The following FRZB variants were observed in gnomAD, a reference collection of about 807,000 sequenced individuals.
The protein encoded by FRZB is frizzled related protein, also known as secreted frizzled-related protein 3.
In FRZB, 34 loss-of-function variants were observed where a neutral mutation model predicts 32.5. The ratio of observed to expected loss-of-function variants is 1.05; its 90% CI spans 0.80 to 1.39. The LOEUF is 1.39. FRZB is among the 40% of genes most tolerant of loss of function. The pLI is 0.00. For synonymous variants in FRZB, 170 were observed against 159.2 expected (o/e 1.07, Z -0.51); for missense variants, 423 against 424.8 (o/e 1.00, Z 0.04).
intron 1 of FRZB, among the ~76,000 whole-genome samples, chr2:182,863,025 C>T (rs888395490): frequency 2.0e-5 from 3 of 152,204 alleles, no homozygotes; most frequent in Non-Finnish European, 4.4e-5. Context: ...CCGCCTCGGC[C>T]TTCCAAAGTG....
intron 2 of FRZB, among the ~76,000 whole-genome samples, chr2:182,847,572 A>T (rs1197692269): frequency 1.3e-5 from 2 of 152,226 alleles, no homozygotes; most frequent in African/African-American, 2.4e-5. Context: ...GACTTTATCC[A>T]CTACACAAGA....
intron 2 of FRZB, among the ~76,000 whole-genome samples, chr2:182,844,911 A>G (rs543515299): frequency 1.1e-4 from 17 of 152,334 alleles, no homozygotes; most frequent in Non-Finnish European, 2.4e-4. Flanking sequence ...TGACAATGCC[A>G]TACTAAATAT....
chr2:182,841,759 G>A (rs190618760), intron 3 of FRZB, among the ~76,000 whole-genome samples: 155 of 152,156 alleles, frequency 1.0e-3, no homozygotes, highest in Non-Finnish European at 1.8e-3. Flanking sequence ...ACTTAGGTTC[G>A]ATAATCATTG....
intron 2 of FRZB, among the ~76,000 whole-genome samples, chr2:182,852,774 A>T (rs1209499526): frequency 2.0e-5 from 3 of 152,222 alleles, no homozygotes; most frequent in Admixed American, 6.5e-5. Context: ...CACGCTATGG[A>T]AATAAAGAGC....
chr2:182,862,603 C>G (rs1373948526), intron 1 of FRZB, among the ~76,000 whole-genome samples: 1 of 152,086 alleles, frequency 6.6e-6, no homozygotes, highest in African/African-American at 2.4e-5. Flanking sequence ...AATAAAAGTT[C>G]TAGGCTGCAT....
rs550354586 is a variant in FRZB at position 182,852,417 on chromosome 2, G to A, written c.526+6369C>T. Among the ~76,000 whole-genome samples the A allele has an allele frequency of 4.4e-4, 67 of 152,210 alleles. 1 individual carries two copies. Among genetic ancestry groups the A allele is most frequent in the African/African-American group, 1.5e-3 (64 of 41,498 alleles). On this transcript the variant is annotated intron_variant, in intron 2 of 5. Transcript: ENST00000295113. ...GGGAGAGCATCTGACTTACACTAAT[G>A]TTCCCTAATTTAAGATAAATCAGAA...
In FRZB at chr2:182,866,437, C is replaced by A. The variant is rs1412842851; in HGVS notation, c.116G>T (p.Arg39Leu). The A allele has an allele frequency of 6.3e-6, 10 of 1,591,078 alleles. No individual in the cohort carries two copies. The Middle Eastern group carries it at 8.5e-4, about 135-fold the overall frequency. Residue 39 changes from arginine to leucine, a missense_variant, in exon 1 of 6, where the codon CGC becomes CTC. Transcript: ENST00000295113. This position sits in a 1 kb window ranked among gnomAD's most constrained non-coding sequence, Gnocchi z 4.5. Reference sequence around the variant, plus strand: ...GGGCAGGGACTTGCACAGGGGGATGCGGACGGGCTCACAGGCTGCAGCCCG... The same window carrying A: ...GGGCAGGGACTTGCACAGGGGGATGAGGACGGGCTCACAGGCTGCAGCCCG... Reference protein sequence around the residue: ...GARAAACEPVRIPLCKSLPWN... With the variant: ...GARAAACEPVLIPLCKSLPWN...
chr2:182,836,648 T>C (rs1695528908), intron 5 of FRZB, among the ~76,000 whole-genome samples: 2 of 152,000 alleles, frequency 1.3e-5, no homozygotes, highest in African/African-American at 2.4e-5. Context: ...AGCAGGGATA[T>C]TGAAAGCTTT....
chr2:182,850,960 T>C (rs548646711), intron 2 of FRZB, among the ~76,000 whole-genome samples: 111 of 152,350 alleles, frequency 7.3e-4, no homozygotes, highest in Non-Finnish European at 1.4e-3. Context: ...TTTGCATTTA[T>C]CTGATTAGTG....
intron 3 of FRZB, among the ~76,000 whole-genome samples, chr2:182,840,853 A>G (rs1695579098): frequency 6.6e-6 from 1 of 152,162 alleles, no homozygotes; most frequent in African/African-American, 2.4e-5. Flanking sequence ...TTTTAACAAA[A>G]ATAACAGCAA....
intron 5 of FRZB, among the ~76,000 whole-genome samples, chr2:182,837,598 G>C (rs1250476482): frequency 6.6e-6 from 1 of 151,926 alleles, no homozygotes; most frequent in African/African-American, 2.4e-5. Context: ...TGACCTCCAG[G>C]TGAACATGAG....
intron 2 of FRZB, among the ~76,000 whole-genome samples, chr2:182,851,569 T>C (rs1695710438): frequency 6.6e-6 from 1 of 152,004 alleles, no homozygotes; most frequent in Admixed American, 6.5e-5. Context: ...GACAGGAGAA[T>C]TGCTTGAACC....
Position 182,833,572 on chromosome 2 carries a change from G to C in FRZB, c.*1277C>G, listed in dbSNP as rs776125909. 2.0e-5 allele frequency: 3 copies of C among 152,276 alleles called. No homozygotes were observed. The highest frequency in any genetic ancestry group is 4.4e-5 in the Non-Finnish European group (3 of 68,014). The allele number at this position is 152,276 out of a possible 1,614,324, so 9.4% of individuals were successfully genotyped here. A position where few individuals can be genotyped will look rare whatever the true frequency, so the allele number is the denominator to read the frequency against. Reference sequence around the variant, plus strand: ...AGCATTGTAAATTGAATCATTGTAAGCTAGGGACCATCTATAAAAGCATCA... The same window carrying C: ...AGCATTGTAAATTGAATCATTGTAACCTAGGGACCATCTATAAAAGCATCA... On this transcript the variant is annotated 3_prime_UTR_variant, in exon 6 of 6. Coordinates refer to ENST00000295113, the MANE Select transcript of FRZB (RefSeq NM_001463.4).
chr2:182,854,230 C>T (rs1266663160), intron 2 of FRZB, among the ~76,000 whole-genome samples: 1 of 152,052 alleles, frequency 6.6e-6, no homozygotes, highest in African/African-American at 2.4e-5. Flanking sequence ...TGAAAATGCA[C>T]ATTTATGATT....
At chr2:182,856,146 AGTTCTTC>A (rs1695765623) in intron 2 of FRZB, among the ~76,000 whole-genome samples, 1 of 151,968 alleles carries the variant, frequency 6.6e-6, no homozygotes, top group Non-Finnish European at 1.5e-5. Context: ...TACTTAAGAA[AGTTCTTC>A]AGACAGAACT....
chr2:182,845,808 T>A (rs1695633344), intron 2 of FRZB, among the ~76,000 whole-genome samples: 1 of 152,192 alleles, frequency 6.6e-6, no homozygotes, highest in Non-Finnish European at 1.5e-5. Flanking sequence ...TCTTGCTTGA[T>A]TTTTCTAGTG....
intron 2 of FRZB, among the ~76,000 whole-genome samples, chr2:182,858,453 G>C (rs745773208): frequency 2.0e-5 from 3 of 152,154 alleles, no homozygotes; most frequent in Non-Finnish European, 4.4e-5. Context: ...ATTGCCAGTG[G>C]ATGAAGATAG....
intron 5 of FRZB, among the ~76,000 whole-genome samples, chr2:182,835,350 A>G (rs1485353133): frequency 6.6e-6 from 1 of 151,882 alleles, no homozygotes; most frequent in African/African-American, 2.4e-5. Context: ...AGGGAAGGCT[A>G]TTTTTCAACA....
chr2:182,853,487 T>A (rs1271907512), intron 2 of FRZB, among the ~76,000 whole-genome samples: 1 of 152,198 alleles, frequency 6.6e-6, no homozygotes, highest in Non-Finnish European at 1.5e-5. Flanking sequence ...AATAGCAACA[T>A]TACTGGACAG....
Sources: allele counts gnomAD v4.1 joint callset (sites outside exome capture counted in the v4.1 genomes callset), GRCh38; gene constraint gnomAD v4.1.1; non-coding constraint Gnocchi (gnomAD v3.1); transcripts MANE v1.5; gene names NCBI Gene and HGNC (gene_info 2026-07-23, HGNC 2026-07-21).